The following HCRTR2 variants were observed in gnomAD, a reference collection of about 807,000 sequenced individuals.
HCRTR2 encodes the protein hypocretin receptor 2, also known as orexin receptor type 2.
In HCRTR2, 22 loss-of-function variants were observed where a neutral mutation model predicts 49.0. The ratio of observed to expected loss-of-function variants is 0.45; its 90% CI spans 0.32 to 0.64. The LOEUF (loss-of-function observed/expected upper bound fraction) is 0.64. Among genes scored for constraint, HCRTR2 ranks in the 30% least tolerant of loss-of-function variants. The probability of loss-of-function intolerance (pLI) is 0.04; values close to 1 mark genes in which losing one functional copy is unlikely to be tolerated. For synonymous variants in HCRTR2, 236 were observed against 205.3 expected, an observed-to-expected ratio of 1.15 and a Z score of -1.28; for missense variants, 491 against 559.4, an observed-to-expected ratio of 0.88 and a Z score of 1.23.
intron 3 of HCRTR2, among the ~76,000 whole-genome samples, chr6:55,255,996 T>A (rs1766646004): frequency 6.6e-6 from 1 of 152,202 alleles, no homozygotes; most frequent in Non-Finnish European, 1.5e-5. Context: ...CTGACAAGTA[T>A]GATGTGAAAT....
At chr6:55,261,079 G>A (rs1025357076) in intron 3 of HCRTR2, among the ~76,000 whole-genome samples, 10 of 152,144 alleles carry the variant, frequency 6.6e-5, no homozygotes, top group African/African-American at 2.4e-4. Flanking sequence ...CATTCAATTA[G>A]AATTATAATG....
chr6:55,271,212 A>C (rs1309116679), intron 4 of HCRTR2, among the ~76,000 whole-genome samples: 20 of 152,168 alleles, frequency 1.3e-4, no homozygotes, highest in Admixed American at 1.3e-3. Context: ...GATCAGTGGA[A>C]TAGAATTCAT....
chr6:55,130,314 A>G (rs763582280), intron 1 of HCRTR2, among the ~76,000 whole-genome samples: 4 of 151,820 alleles, frequency 2.6e-5, no homozygotes, highest in South Asian at 2.1e-4. Context: ...AGTATTCCCC[A>G]TGCGATGAAT....
intron 1 of HCRTR2, among the ~76,000 whole-genome samples, chr6:55,203,847 A>T (rs887671531): frequency 3.3e-5 from 5 of 152,034 alleles, no homozygotes; most frequent in African/African-American, 9.7e-5. Flanking sequence ...CTGGTAAGAA[A>T]TTGTAAGTCA....
intron 1 of HCRTR2, among the ~76,000 whole-genome samples, chr6:55,122,840 C>T (rs1180473623): frequency 1.3e-5 from 2 of 151,702 alleles, no homozygotes; most frequent in Non-Finnish European, 2.9e-5. Flanking sequence ...AGCTGGAAAC[C>T]GTCATTCTCA....
At chr6:55,172,269 A>G (rs570213731), upstream of HCRTR2, among the ~76,000 whole-genome samples, 1 of 152,298 alleles carries the variant, frequency 6.6e-6, no homozygotes, top group Admixed American at 6.5e-5. Context: ...CTTTTTGAAC[A>G]ATCATTTCTA....
In HCRTR2 at chr6:55,245,499, A is replaced by C. The variant is rs916964530; in HGVS notation, c.224-3140A>C. Among the ~76,000 whole-genome samples, 25 of 126,360 alleles carry C rather than the reference A, an allele frequency of 2.0e-4. 1 individual carries two copies. Among genetic ancestry groups the C allele is most frequent in the South Asian group, 4.8e-4 (2 of 4,158 alleles). The allele number at this position is 126,360 out of a possible 152,430, so 82.9% of individuals were successfully genotyped here. A position where few individuals can be genotyped will look rare whatever the true frequency, so the allele number is the denominator to read the frequency against. On this transcript the variant is annotated intron_variant, in intron 1 of 6. Coordinates refer to ENST00000370862, the MANE Select transcript of HCRTR2 (RefSeq NM_001384272.1). ...TATATATATATATATATATATATAT[A>C]TATATATCTTCCCCAAAAGTGTGCC...
chr6:55,249,840 G>A (rs1766514640), intron 2 of HCRTR2, among the ~76,000 whole-genome samples: 1 of 152,050 alleles, frequency 6.6e-6, no homozygotes, highest in Non-Finnish European at 1.5e-5. Context: ...ATGAAATGGT[G>A]ACCACTCTCT....
intron 1 of HCRTR2, among the ~76,000 whole-genome samples, chr6:55,113,344 C>A (rs1446088399): frequency 6.6e-6 from 1 of 152,038 alleles, no homozygotes; most frequent in Non-Finnish European, 1.5e-5. Context: ...GAACAGACAA[C>A]CCACAGAGTG....
chr6:55,216,038 C>A (rs1228731272), intron 1 of HCRTR2, among the ~76,000 whole-genome samples: 1 of 152,118 alleles, frequency 6.6e-6, no homozygotes, highest in African/African-American at 2.4e-5. Flanking sequence ...ACAGCAAGAG[C>A]CAAACTGGCT....
intron 1 of HCRTR2, among the ~76,000 whole-genome samples, chr6:55,114,057 T>C (rs1561975174): frequency 6.6e-6 from 1 of 151,766 alleles, no homozygotes; most frequent in Non-Finnish European, 1.5e-5. Flanking sequence ...CCAAACATCA[T>C]ATGTTCTCAC....
At chr6:55,135,469 T>C (rs1042612917) in intron 1 of HCRTR2, among the ~76,000 whole-genome samples, 6 of 152,098 alleles carry the variant, frequency 3.9e-5, no homozygotes, top group African/African-American at 1.4e-4. Flanking sequence ...TTAAATGTAT[T>C]CCTGAAAGTT....
intron 1 of HCRTR2, among the ~76,000 whole-genome samples, chr6:55,123,273 A>G (rs1764227142): frequency 6.6e-6 from 1 of 152,090 alleles, no homozygotes; most frequent in African/African-American, 2.4e-5. Context: ...TTTGTCATAA[A>G]TAGCTCTTTT....
In HCRTR2 at chr6:55,276,161, A is replaced by T. The variant is rs1767073189; in HGVS notation, c.763-1219A>T. Among the ~76,000 whole-genome samples, 5 of 152,310 alleles carry T rather than the reference A, an allele frequency of 3.3e-5. 1 individual carries two copies. The South Asian group carries it at 8.3e-4, about 25-fold the overall frequency. On this transcript the variant is annotated intron_variant, in intron 4 of 6. Transcript: ENST00000370862. Reference sequence around the variant, plus strand: ...TAAAAGATTGAGTTGAACCACTACTATGTAAAAAAGATTGTCTACATGACA... The same window carrying T: ...TAAAAGATTGAGTTGAACCACTACTTTGTAAAAAAGATTGTCTACATGACA...
intron 1 of HCRTR2, among the ~76,000 whole-genome samples, chr6:55,143,865 T>C (rs1764542696): frequency 1.3e-5 from 2 of 152,232 alleles, no homozygotes; most frequent in South Asian, 2.1e-4. Context: ...TTCTATGATA[T>C]GGATTGAAGC....
intron 1 of HCRTR2, among the ~76,000 whole-genome samples, chr6:55,208,020 T>A (rs1765631622): frequency 6.6e-6 from 1 of 152,196 alleles, no homozygotes; most frequent in Non-Finnish European, 1.5e-5. Flanking sequence ...TGAGCTTTAA[T>A]GGCATCATCA....
At chr6:55,232,260 A>G (rs1379452702) in intron 1 of HCRTR2, among the ~76,000 whole-genome samples, 1 of 152,204 alleles carries the variant, frequency 6.6e-6, no homozygotes, top group Non-Finnish European at 1.5e-5. Context: ...ATTAATTAAT[A>G]CAATCTTTAT....
chr6:55,142,461 G>A (rs543663076), intron 1 of HCRTR2, among the ~76,000 whole-genome samples: 2 of 151,466 alleles, frequency 1.3e-5, no homozygotes, highest in South Asian at 4.2e-4. Context: ...ACCCGCTTCG[G>A]CCTCTAAAGT....
chr6:55,267,426 A>G (rs1766881765), intron 4 of HCRTR2, among the ~76,000 whole-genome samples: 1 of 142,884 alleles, frequency 7.0e-6, no homozygotes, highest in African/African-American at 2.7e-5. Context: ...TTTTTTGGCA[A>G]TTCGACTCAG....
Sources: allele counts gnomAD v4.1 joint callset (sites outside exome capture counted in the v4.1 genomes callset), GRCh38; gene constraint gnomAD v4.1.1; transcripts MANE v1.5; gene names NCBI Gene and HGNC (gene_info 2026-07-23, HGNC 2026-07-21).